NEURL4: variants seen among roughly 807,000 people sequenced by gnomAD.
NEURL4 encodes neuralized-like protein 4.
A neutral mutation model predicts 148.0 loss-of-function variants in NEURL4; 45 were observed. The ratio of observed to expected loss-of-function variants is 0.30; its 90% confidence interval spans 0.24 to 0.39. The LOEUF is 0.39. NEURL4 is among the 10% of genes least tolerant of loss of function. The probability of loss-of-function intolerance (pLI) is 1.00; values close to 1 mark genes in which losing one functional copy is unlikely to be tolerated. For missense variants in NEURL4, 1,776 were observed against 2,144.0 expected, an observed-to-expected ratio of 0.83 and a Z score of 3.39; for synonymous variants, 854 against 869.0, an observed-to-expected ratio of 0.98 and a Z score of 0.30.
At chr17:7,325,104 G>A (rs891551514) in intron 8 of NEURL4, 105 bp downstream of exon 8, 3 of 1,524,548 alleles carry the variant, frequency 2.0e-6, no homozygotes, top group African/African-American at 2.8e-5. Flanking sequence ...CAACCTCCAG[G>A]AAGCTGCCCC....
Position 7,327,908 on chromosome 17 carries a change from G to C in NEURL4, c.283-24C>G, listed in dbSNP as rs758545470. 1.9e-6 allele frequency: 3 copies of C among 1,538,778 alleles called. No individual in the cohort carries two copies. In the Admixed American group the frequency reaches 5.9e-5, roughly 30 times the overall value. Reference sequence around the variant, plus strand: ...ACCTGGGATAGGGGTATTGGACAGAGGCTTAGAATGGGCCACCCCCCATTC... The same window carrying C: ...ACCTGGGATAGGGGTATTGGACAGACGCTTAGAATGGGCCACCCCCCATTC... On this transcript the variant is annotated intron_variant, in intron 1 of 28. Transcript: ENST00000399464. The surrounding 1 kb of genome is among the most constrained non-coding windows in gnomAD (Gnocchi z 6.6).
Position 7,317,890 on chromosome 17 carries a change from C to CAGT in NEURL4, c.4100_4102dup (p.Tyr1367dup). On this transcript the variant is annotated inframe_insertion, in exon 26 of 29. Transcript: ENST00000399464. ...TCCTCGCAGCTTCCGGCAAGACTCACAGTAGCACAGGCTTCGCTTTGGCGG... is the reference window on the plus strand; with the variant it reads ...TCCTCGCAGCTTCCGGCAAGACTCACAGTAGTAGCACAGGCTTCGCTTTGGCGG... The CAGT allele has an allele frequency of 6.2e-7, 1 of 1,614,206 alleles. No homozygotes were observed. Among genetic ancestry groups the CAGT allele is most frequent in the Non-Finnish European group, 8.5e-7 (1 of 1,180,048 alleles).
rs369011844 is a variant in NEURL4, at chr17:7,321,419, G to A, written c.3140C>T (p.Thr1047Met). Residue 1047 changes from threonine (T) to methionine (M), a missense_variant, in exon 19 of 29, where the codon ACG (threonine) becomes ATG (methionine). Thr to Met is a moderately conservative substitution (Grantham distance 81). Coordinates refer to ENST00000399464, the MANE Select transcript of NEURL4 (RefSeq NM_032442.3). The surrounding 1 kb of genome is among the most constrained non-coding windows in gnomAD (Gnocchi z 6.3). ...RVGVRRGADD[T>M]MHILVDGEDM... The stretch of plus-strand genomic sequence containing the variant: ...CTCTCCATCCACCAGGATGTGCATC[G>A]TGTCATCTGCCCCCCGACGAACACC... The A allele has an allele frequency of 3.7e-5, 59 of 1,613,966 alleles. No homozygotes were observed. The African/African-American group carries it at 4.8e-4, about 13-fold the overall frequency.
intron 26 of NEURL4, 88 bp downstream of exon 26, chr17:7,317,700 C>T (rs1007458848): frequency 6.3e-7 from 1 of 1,579,856 alleles, no homozygotes; most frequent in Non-Finnish European, 8.7e-7. Context: ...ACAGGAAGTT[C>T]TATTACTTCT....
chr17:7,325,689 T>G lies in NEURL4; in HGVS notation c.1318A>C (p.Arg440=). Residue 440 remains arginine, a synonymous_variant, in exon 7 of 29, where the codon AGG becomes CGG. Coordinates refer to ENST00000399464, the MANE Select transcript of NEURL4 (RefSeq NM_032442.3). ...LQEGDHIGLT[R]KSNSALHFFI... ...AAGTGTAGGGCAGAGTTGGACTTCCTTGTGAGGCCAATGTGGTCACCCTCC... is the reference window on the plus strand; with the variant it reads ...AAGTGTAGGGCAGAGTTGGACTTCCGTGTGAGGCCAATGTGGTCACCCTCC... The G allele has an allele frequency of 6.2e-7, 1 of 1,613,714 alleles. No individual in the cohort carries two copies.
Position 7,326,866 on chromosome 17 carries a change from T to C in NEURL4, c.937A>G (p.Thr313Ala). 1 of 1,613,838 alleles carries C rather than the reference T, an allele frequency of 6.2e-7. No individual in the cohort carries two copies. Among genetic ancestry groups the C allele is most frequent in the Non-Finnish European group, 8.5e-7 (1 of 1,179,954 alleles). The change falls in exon 4 of 29, where the codon ACT becomes GCT. Residue 313 changes from threonine to alanine, a missense_variant. By Grantham distance (58) the Thr-to-Ala change is moderately conservative. Transcript: ENST00000399464. The surrounding 1 kb of genome is among the most constrained non-coding windows in gnomAD (Gnocchi z 6.0). ...TGAAAGAGCAGGGCATCGTTGGAAG[T>C]GAGAATGGGCGAGGTGGCAGCACCG... ...SSGAATSPIL[T>A]SNDALLFHEK...
Position 7,327,040 on chromosome 17 carries a change from G to C in NEURL4, c.794-31C>G, listed in dbSNP as rs773153912. 1 of 1,605,698 alleles carries C rather than the reference G, an allele frequency of 6.2e-7. No homozygotes were observed. Among genetic ancestry groups the C allele is most frequent in the East Asian group, 2.2e-5 (1 of 44,840 alleles). On this transcript the variant is annotated intron_variant, in intron 3 of 28. Transcript: ENST00000399464. This position sits in a 1 kb window ranked among gnomAD's most constrained non-coding sequence, Gnocchi z 6.6. ...GCAGCAGGATGGAAGAAGGAAGCTC[G>C]GAAGTTGGGATGAGGCTCTACACCC...
chr17:7,316,140 G>T lies in NEURL4; in HGVS notation c.4672C>A (p.Leu1558Met), dbSNP rs1178245769. 3 of 1,549,992 alleles carry T rather than the reference G, an allele frequency of 1.9e-6. No individual in the cohort carries two copies. The highest frequency in any genetic ancestry group is 2.2e-5 in the East Asian group (1 of 44,624). The change falls in exon 29 of 29, where the codon CTG becomes ATG. Residue 1558 changes from leucine to methionine, a missense_variant. Transcript: ENST00000399464. ...CTCACCCCTCATTCCACCCGTACCA[G>T]CAGGGCACAGAGGAGTGTGGCCCCC... ...EKGATLLCAL[L>M]VRVE
intron 28 of NEURL4, among the ~76,000 whole-genome samples, 178 bp from the exon 29 acceptor site, chr17:7,316,505 C>G (rs902400095): frequency 1.3e-5 from 2 of 152,214 alleles, no homozygotes; most frequent in African/African-American, 4.8e-5. Context: ...TCAGCTACAC[C>G]CTTCACTTCC....
At position 7,327,945 on chromosome 17, in the gene NEURL4, A is replaced by G. The variant is rs2073125315; in HGVS notation, c.283-61T>C. The G allele has an allele frequency of 2.3e-6, 3 of 1,312,292 alleles. No individual in the cohort carries two copies. The highest frequency in any genetic ancestry group is 3.1e-6 in the Non-Finnish European group (3 of 961,316). The allele number at this position is 1,312,292 out of a possible 1,614,324, so 81.3% of individuals were successfully genotyped here. ...GCCACCCCCCATTCCACAGGCCACC[A>G]TATCTTCCCACCTCTCAGACAGCTA... On this transcript the variant is annotated intron_variant, in intron 1 of 28. Transcript: ENST00000399464. The surrounding 1 kb of genome is among the most constrained non-coding windows in gnomAD (Gnocchi z 6.6).
chr17:7,327,775 G>A lies in NEURL4; in HGVS notation c.392C>T (p.Ser131Leu), dbSNP rs1436497592. ...TGLKGGSWVV[S>L]GCSVLRDGRS... ...TCCATCTCTCAGCACAGAGCAGCCCGACACTACCCACGAGCCCCCCTTCAG... is the reference window on the plus strand; with the variant it reads ...TCCATCTCTCAGCACAGAGCAGCCCAACACTACCCACGAGCCCCCCTTCAG... Residue 131 changes from serine to leucine, a missense_variant, in exon 2 of 29, where the codon TCG becomes TTG. Transcript: ENST00000399464. The surrounding 1 kb of genome is among the most constrained non-coding windows in gnomAD (Gnocchi z 6.6). 5.6e-6 allele frequency: 9 copies of A among 1,614,044 alleles called. No individual in the cohort carries two copies. Among genetic ancestry groups the A allele is most frequent in the Non-Finnish European group, 6.8e-6 (8 of 1,180,034 alleles).
At position 7,318,141 on chromosome 17, in the gene NEURL4, T is replaced by A; in HGVS notation, c.3984A>T (p.Pro1328=). ...GIKESVCWGP[P]PAASPLKSCE... is the part of the protein sequence containing the mutation. ...AGCTCTTTAGAGGACTAGCGGCAGG[T>A]GGTGGACCCCAGCACACACTCTCTT... The change falls in exon 25 of 29, where the codon CCA becomes CCT. Residue 1328 remains proline, a synonymous_variant. Transcript: ENST00000399464. The surrounding 1 kb of genome is among the most constrained non-coding windows in gnomAD (Gnocchi z 4.3). 29 of 1,612,910 alleles carry A rather than the reference T, an allele frequency of 1.8e-5. No individual in the cohort carries two copies. The highest frequency in any genetic ancestry group is 2.5e-5 in the Non-Finnish European group (29 of 1,179,742).
chr17:7,322,112 C>T lies in NEURL4; in HGVS notation c.2726-102G>A, dbSNP rs369374534. On this transcript the variant is annotated intron_variant, in intron 16 of 28. Coordinates refer to ENST00000399464, the MANE Select transcript of NEURL4 (RefSeq NM_032442.3). The surrounding 1 kb of genome is among the most constrained non-coding windows in gnomAD (Gnocchi z 5.5). ...AGATGAAACGAAATGGGGATGCCAA[C>T]GCCCCATCTGCCATCTGCCATTACA... The T allele has an allele frequency of 5.6e-4, 739 of 1,313,872 alleles. 1 individual carries two copies. Among genetic ancestry groups the T allele is most frequent in the Non-Finnish European group, 6.2e-4 (597 of 962,560 alleles). The allele number at this position is 1,313,872 out of a possible 1,614,324, so 81.4% of individuals were successfully genotyped here. A position where few individuals can be genotyped will look rare whatever the true frequency, so the allele number is the denominator to read the frequency against.
In NEURL4 at chr17:7,322,437, C is replaced by T. The variant is rs369882773; in HGVS notation, c.2725+298G>A. On this transcript the variant is annotated intron_variant, in intron 16 of 28. Transcript: ENST00000399464. This position sits in a 1 kb window ranked among gnomAD's most constrained non-coding sequence, Gnocchi z 5.5. The stretch of plus-strand genomic sequence containing the variant: ...ACTCCCAAAGTGCTGGGATTACAGG[C>T]GTGAGCTACTGCGCCCGGCCCTGAT... Among the ~76,000 whole-genome samples, 1 of 152,188 alleles carries T rather than the reference C, an allele frequency of 6.6e-6. No homozygotes were observed. The highest frequency in any genetic ancestry group is 1.5e-5 in the Non-Finnish European group (1 of 68,024).
chr17:7,325,371 CGGT>C lies in NEURL4; in HGVS notation c.1466_1468del (p.Asp489_Arg490delinsGly). The C allele has an allele frequency of 6.2e-7, 1 of 1,613,352 alleles. No individual in the cohort carries two copies. Among genetic ancestry groups the C allele is most frequent in the Non-Finnish European group, 8.5e-7 (1 of 1,179,992 alleles). Reference sequence around the variant, plus strand: ...CAGGATGGCGTTGTTTCGGCGGAGACGGTCACTGTGGTTGTTATTGTGGACGAT... The same window carrying C: ...CAGGATGGCGTTGTTTCGGCGGAGACCACTGTGGTTGTTATTGTGGACGAT... On this transcript the variant is annotated inframe_deletion, in exon 8 of 29. Transcript: ENST00000399464.
In NEURL4 at chr17:7,317,221, G is replaced by T; in HGVS notation, c.4468C>A (p.Leu1490Met). The part of the protein sequence containing the change: ...PSLQYAGAET[L>M]ASKVQFRDPK... ...AGTACTCACTGCACTTTGGAGGCCA[G>T]GGTCTCCGCCCCAGCATATTGAAGG... The change falls in exon 28 of 29, where the codon CTG becomes ATG. Residue 1490 changes from leucine (L) to methionine (M), a missense_variant. Transcript: ENST00000399464. The T allele has an allele frequency of 6.6e-7, 1 of 1,513,266 alleles. No homozygotes were observed. The highest frequency in any genetic ancestry group is 2.4e-5 in the Admixed American group (1 of 42,538). 93.7% of individuals were successfully genotyped at this position (1,513,266 alleles called of 1,614,324 possible). A position where few individuals can be genotyped will look rare whatever the true frequency, so the allele number is the denominator to read the frequency against.
In NEURL4 at chr17:7,318,381, A is replaced by C. The variant is rs2072980072; in HGVS notation, c.3865-25T>G. 1 of 1,613,526 alleles carries C rather than the reference A, an allele frequency of 6.2e-7. No homozygotes were observed. The highest frequency in any genetic ancestry group is 2.2e-5 in the East Asian group (1 of 44,882). ...CCTGCAGGGGAGAGGGTAGTCAGACAGAGCTTGGTCAGACCCCAGGGCCTG... is the reference window on the plus strand; with the variant it reads ...CCTGCAGGGGAGAGGGTAGTCAGACCGAGCTTGGTCAGACCCCAGGGCCTG... On this transcript the variant is annotated intron_variant, in intron 23 of 28. Coordinates refer to ENST00000399464, the MANE Select transcript of NEURL4 (RefSeq NM_032442.3). This position sits in a 1 kb window ranked among gnomAD's most constrained non-coding sequence, Gnocchi z 4.3.
At position 7,322,501 on chromosome 17, in the gene NEURL4, G is replaced by A. The variant is rs2073046552; in HGVS notation, c.2725+234C>T. ...ACAGCAAGGCCCATTTCCAAACCTG[G>A]CATGCTCAGCTTATGGTGTCCTGGC... On this transcript the variant is annotated intron_variant, in intron 16 of 28. Transcript: ENST00000399464. The surrounding 1 kb of genome is among the most constrained non-coding windows in gnomAD (Gnocchi z 5.5). 6.6e-6 allele frequency among the ~76,000 whole-genome samples: 1 copy of A among 152,120 alleles called. No homozygotes were observed. The highest frequency in any genetic ancestry group is 2.1e-4 in the South Asian group (1 of 4,830).
intron 21 of NEURL4, among the ~76,000 whole-genome samples, 164 bp from the exon 22 acceptor site, chr17:7,319,372 CTCTTT>C (rs1435441463): frequency 4.0e-5 from 4 of 99,206 alleles, no homozygotes; most frequent in African/African-American, 1.3e-4. Flanking sequence ...GTTTCTTTCC[CTCTTT>C]TTTTTTTTTT....
Sources: allele counts gnomAD v4.1 joint callset (sites outside exome capture counted in the v4.1 genomes callset), GRCh38; gene constraint gnomAD v4.1.1; non-coding constraint Gnocchi (gnomAD v3.1); transcripts MANE v1.5; gene names NCBI Gene and HGNC (gene_info 2026-07-23, HGNC 2026-07-21).